Variants in ABHD12B observed in about 807,000 individuals in gnomAD.
ABHD12B encodes the protein protein ABHD12B.
A neutral mutation model predicts 50.4 loss-of-function variants in ABHD12B; 42 were observed. That is an observed-to-expected ratio of 0.83 (90% CI 0.65 to 1.08). The LOEUF is 1.08. Among genes scored for constraint, ABHD12B ranks in the 50% least tolerant of loss-of-function variants. The probability of loss-of-function intolerance (pLI) is 0.00; values close to 1 mark genes in which losing one functional copy is unlikely to be tolerated. For synonymous variants in ABHD12B, 167 were observed against 160.3 expected (o/e 1.04, Z -0.32); for missense variants, 479 against 447.7 (o/e 1.07, Z -0.63).
At chr14:50,877,196 C>T (rs985189931) in intron 1 of ABHD12B, among the ~76,000 whole-genome samples, 1 of 152,216 alleles carries the variant, frequency 6.6e-6, no homozygotes, top group Non-Finnish European at 1.5e-5. Flanking sequence ...GAAGTGGGGT[C>T]TCCTAACACT....
chr14:50,878,064 ATTTAT>A lies in ABHD12B; in HGVS notation c.222_226del (p.Tyr74Ter), dbSNP rs769034109. On this transcript the variant is annotated frameshift_variant, in exon 2 of 13. Transcript: ENST00000337334. LOFTEE classifies it high-confidence loss of function. ...TTTCCTTCCTCTGATAGACATGCTA[ATTTAT>A]TTTAATTTTTGTAAGTATGGACCTT... 6.6e-7 allele frequency: 1 copy of A among 1,520,036 alleles called. No individual in the cohort carries two copies. The highest frequency in any genetic ancestry group is 1.2e-5 in the South Asian group (1 of 80,368). 94.2% of individuals were successfully genotyped at this position (1,520,036 alleles called of 1,614,324 possible). A position where few individuals can be genotyped will look rare whatever the true frequency, so the allele number is the denominator to read the frequency against.
At position 50,888,905 on chromosome 14, in the gene ABHD12B, TGA is replaced by T; in HGVS notation, c.780+5_780+6del. 1 of 1,613,586 alleles carries T rather than the reference TGA, an allele frequency of 6.2e-7. No individual in the cohort carries two copies. Among genetic ancestry groups the T allele is most frequent in the Non-Finnish European group, 8.5e-7 (1 of 1,179,586 alleles). On this transcript the variant is annotated splice_donor_region_variant and intron_variant, in intron 9 of 12. Coordinates refer to ENST00000337334, the MANE Select transcript of ABHD12B (RefSeq NM_001206673.2). ...AGTATCAATTATCCCTTGTTAAAGG[TGA>T]GACTCTGATTCATCTTTACAAGGGA...
At chr14:50,873,054 T>C (rs2049807699) in intron 1 of ABHD12B, among the ~76,000 whole-genome samples, 1 of 152,184 alleles carries the variant, frequency 6.6e-6, no homozygotes, top group African/African-American at 2.4e-5. Context: ...TCATTTAGTT[T>C]TGTTGGTGTG....
intron 1 of ABHD12B, among the ~76,000 whole-genome samples, chr14:50,875,070 G>A (rs1378135433): frequency 6.6e-6 from 1 of 152,238 alleles, no homozygotes; most frequent in East Asian, 1.9e-4. Context: ...TCTATGCCAT[G>A]TTGTTCTTGT....
intron 11 of ABHD12B, 77 bp from the exon 12 acceptor site, chr14:50,903,995 TAC>T: frequency 4.2e-6 from 5 of 1,182,034 alleles, no homozygotes; most frequent in Non-Finnish European, 6.1e-6. Flanking sequence ...GCTGTTTCTG[TAC>T]ACTTTTAGGG....
intron 10 of ABHD12B, 80 bp downstream of exon 10, chr14:50,901,991 G>GTCTCATGTCACCATCCA: frequency 1.2e-6 from 1 of 864,916 alleles, no homozygotes; most frequent in Non-Finnish European, 1.8e-6. Flanking sequence ...CTTACTGGAT[G>GTCTCATGTCACCATCCA]GTGACATGAG....
At chr14:50,874,134 A>G (rs1437755655) in intron 1 of ABHD12B, among the ~76,000 whole-genome samples, 1 of 152,130 alleles carries the variant, frequency 6.6e-6, no homozygotes, top group Non-Finnish European at 1.5e-5. Context: ...AACTAGTGGG[A>G]TGTGTTGTGA....
Position 50,881,580 on chromosome 14 carries a change from T to TA in ABHD12B, c.456-13dup. On this transcript the variant is annotated splice_polypyrimidine_tract_variant and intron_variant, in intron 4 of 12. Transcript: ENST00000337334. ...AATTCTTGCTTTTTTTTTTTTTTTT[T>TA]AAACTTCCTTCACAGGGCAGCTTCG... 6.3e-7 allele frequency: 1 copy of TA among 1,587,670 alleles called. No individual in the cohort carries two copies. The highest frequency in any genetic ancestry group is 8.5e-7 in the Non-Finnish European group (1 of 1,171,974).
chr14:50,896,809 C>G (rs2050206203), intron 9 of ABHD12B, among the ~76,000 whole-genome samples: 1 of 152,116 alleles, frequency 6.6e-6, no homozygotes, highest in Admixed American at 6.6e-5. Context: ...CCCGCCTGCA[C>G]CCAGGTGAAA....
chr14:50,903,271 G>A, intron 10 of ABHD12B, 118 bp from the exon 11 acceptor site: 1 of 715,340 alleles, frequency 1.4e-6, no homozygotes, highest in South Asian at 1.9e-5. Flanking sequence ...TGGAAGGAAG[G>A]AAAGAAATTT....
chr14:50,901,788 T>G, intron 9 of ABHD12B, 41 bp from the exon 10 acceptor site: 2 of 1,350,184 alleles, frequency 1.5e-6, no homozygotes, highest in Non-Finnish European at 1.0e-6. Flanking sequence ...ATGGCATAGC[T>G]ATGGGGCAAA....
chr14:50,879,869 C>A (rs1260482229), intron 3 of ABHD12B, among the ~76,000 whole-genome samples: 1 of 152,096 alleles, frequency 6.6e-6, no homozygotes, highest in Non-Finnish European at 1.5e-5. Context: ...GATTTGTCAC[C>A]CTTAGCCAGT....
chr14:50,880,709 G>C (rs2049930893), intron 4 of ABHD12B, 138 bp downstream of exon 4: 12 of 1,035,150 alleles, frequency 1.2e-5, no homozygotes, highest in Non-Finnish European at 1.6e-5. Context: ...TGAAATCTGA[G>C]GGTGTTCTGG....
chr14:50,903,931 T>A, intron 11 of ABHD12B, 143 bp from the exon 12 acceptor site: 1 of 677,034 alleles, frequency 1.5e-6, no homozygotes. Flanking sequence ...GACAGGCAAC[T>A]GGGACATGGA....
chr14:50,880,559 G>A lies in ABHD12B; in HGVS notation c.443G>A (p.Ser148Asn), dbSNP rs1306641370. ...GNPIIVYLHG[S>N]AEHRAASHRL... Reference sequence around the variant, plus strand: ...CCAATTATTGTTTATCTTCATGGCAGTGCAGAACACAGGTCAGTGGCTCTG... The same window carrying A: ...CCAATTATTGTTTATCTTCATGGCAATGCAGAACACAGGTCAGTGGCTCTG... Residue 148 changes from serine (S) to asparagine (N), a missense_variant, in exon 4 of 13, where the codon AGT becomes AAT. Transcript: ENST00000337334. 2 of 1,597,852 alleles carry A rather than the reference G, an allele frequency of 1.3e-6. No individual in the cohort carries two copies. Among genetic ancestry groups the A allele is most frequent in the Non-Finnish European group, 1.7e-6 (2 of 1,171,670 alleles).
intron 9 of ABHD12B, among the ~76,000 whole-genome samples, chr14:50,901,204 C>T (rs1409588423): frequency 1.3e-5 from 2 of 152,190 alleles, no homozygotes; most frequent in Non-Finnish European, 2.9e-5. Context: ...AACTAACTTA[C>T]ATGTTGACTA....
At chr14:50,888,358 C>G (rs1182105522) in intron 8 of ABHD12B, among the ~76,000 whole-genome samples, 2 of 152,114 alleles carry the variant, frequency 1.3e-5, no homozygotes, top group Non-Finnish European at 2.9e-5. Context: ...CGTGCACCAC[C>G]ATGCCTGGCT....
intron 1 of ABHD12B, among the ~76,000 whole-genome samples, chr14:50,876,762 C>A (rs1243929450): frequency 1.3e-5 from 2 of 152,122 alleles, no homozygotes; most frequent in Non-Finnish European, 1.5e-5. Flanking sequence ...AATTATCTTC[C>A]AAAAATGCCT....
chr14:50,896,149 C>A (rs189575027), intron 9 of ABHD12B, among the ~76,000 whole-genome samples: 55 of 152,214 alleles, frequency 3.6e-4, no homozygotes, highest in African/African-American at 1.2e-3. Context: ...CACCCTTACC[C>A]CACTCAACGC....
Sources: gnomAD v4.1 joint callset for allele counts (sites outside exome capture counted in the v4.1 genomes callset) on GRCh38, gnomAD v4.1.1 for gene constraint, MANE v1.5 for transcripts, NCBI Gene and HGNC (gene_info 2026-07-23, HGNC 2026-07-21) for gene names.